Variants in CUBN observed in about 807,000 individuals in gnomAD.
CUBN encodes cubilin, also known as 460 kDa receptor.
In CUBN, 282 loss-of-function variants were observed where a neutral mutation model predicts 405.3. That is an observed-to-expected ratio of 0.70 (90% CI 0.63 to 0.77). The LOEUF (loss-of-function observed/expected upper bound fraction) is 0.77. Among genes scored for constraint, CUBN ranks in the 30% least tolerant of loss-of-function variants. The pLI is 0.00. For synonymous variants in CUBN, 1,684 were observed against 1,617.0 expected, an observed-to-expected ratio of 1.04 and a Z score of -0.99; for missense variants, 4,514 against 4,475.2, an observed-to-expected ratio of 1.01 and a Z score of -0.25.
At position 16,823,979 on chromosome 10, in the gene CUBN, A is replaced by C. The variant is rs1838700482; in HGVS notation, c.*996T>G. On this transcript the variant is annotated 3_prime_UTR_variant, in exon 67 of 67. Transcript: ENST00000377833. ...AATGCAGCATAATTGTGTACAATTCAATAATGTTTATTATGTGTAATTGAA... is the reference window on the plus strand; with the variant it reads ...AATGCAGCATAATTGTGTACAATTCCATAATGTTTATTATGTGTAATTGAA... 2 of 152,262 alleles carry C rather than the reference A, an allele frequency of 1.3e-5. No individual in the cohort carries two copies. Among genetic ancestry groups the C allele is most frequent in the African/African-American group, 4.8e-5 (2 of 41,474 alleles). 9.4% of individuals were successfully genotyped at this position (152,262 alleles called of 1,614,324 possible).
At chr10:16,961,748 G>C (rs922609586) in intron 31 of CUBN, among the ~76,000 whole-genome samples, 5 of 125,882 alleles carry the variant, frequency 4.0e-5, no homozygotes, top group Non-Finnish European at 6.3e-5. Context: ...GTCTCGCTCT[G>C]TGGCCCAGGC....
At chr10:16,946,111 G>A (rs2131617223) in intron 36 of CUBN, among the ~76,000 whole-genome samples, 1 of 152,282 alleles carries the variant, frequency 6.6e-6, no homozygotes, top group South Asian at 2.1e-4. Flanking sequence ...AACAGAATTA[G>A]CAATCCCAAC....
chr10:16,980,680 G>A lies in CUBN; in HGVS notation c.4695+1804C>T, dbSNP rs183830377. Among the ~76,000 whole-genome samples, 67 of 152,118 alleles carry A rather than the reference G, an allele frequency of 4.4e-4. 1 individual carries two copies. The South Asian group carries it at 0.012, about 28-fold the overall frequency. On this transcript the variant is annotated intron_variant, in intron 31 of 66. Transcript: ENST00000377833. ...CACAGGGAGGGGAACATCACACACC[G>A]GTGCCTGTCGAGGGGTGGGGGGCTA...
chr10:17,045,155 G>A lies in CUBN; in HGVS notation c.3524C>T (p.Thr1175Met), dbSNP rs745729648. 19 of 1,613,672 alleles carry A rather than the reference G, an allele frequency of 1.2e-5. No individual in the cohort carries two copies. Among genetic ancestry groups the A allele is most frequent in the South Asian group, 2.2e-5 (2 of 91,076 alleles). Residue 1175 changes from threonine (T) to methionine (M), a missense_variant, in exon 25 of 67, where the codon ACG becomes ATG. Coordinates refer to ENST00000377833, the MANE Select transcript of CUBN (RefSeq NM_001081.4). ...CGGNLTTSSG[T>M]FISPNYPMPY... ...CATCGGGTAGTTGGGAGATATGAAC[G>A]TGCCGCTTGAAGTGGTGAGATTACC...
At chr10:17,010,751 C>T (rs776556951) in intron 28 of CUBN, among the ~76,000 whole-genome samples, 11 of 152,178 alleles carry the variant, frequency 7.2e-5, no homozygotes, top group Non-Finnish European at 1.2e-4. Flanking sequence ...TCCTAATGTA[C>T]GTTTCAAGCT....
At chr10:17,094,967 T>C (rs1326493679) in intron 14 of CUBN, among the ~76,000 whole-genome samples, 1 of 151,962 alleles carries the variant, frequency 6.6e-6, no homozygotes, top group Middle Eastern at 3.2e-3. Context: ...GATTTAAAAA[T>C]ACATTTAAAA....
At chr10:17,038,347 C>T (rs940985449) in intron 27 of CUBN, among the ~76,000 whole-genome samples, 2 of 152,190 alleles carry the variant, frequency 1.3e-5, no homozygotes, top group Non-Finnish European at 2.9e-5. Flanking sequence ...GGTTGATTCC[C>T]CATGTTTGCA....
intron 22 of CUBN, among the ~76,000 whole-genome samples, chr10:17,052,783 A>C (rs1835301218): frequency 6.9e-6 from 1 of 143,960 alleles, no homozygotes; most frequent in African/African-American, 2.6e-5. Flanking sequence ...AAAAAAAAAA[A>C]AAAAGAGAGA....
At chr10:17,118,308 G>T (rs1836951630) in intron 6 of CUBN, among the ~76,000 whole-genome samples, 1 of 152,108 alleles carries the variant, frequency 6.6e-6, no homozygotes, top group African/African-American at 2.4e-5. Flanking sequence ...ACCACAAAAT[G>T]AATAATTGGC....
At chr10:16,977,846 C>A (rs2932904) in intron 31 of CUBN, among the ~76,000 whole-genome samples, 112,312 of 152,122 alleles carry the variant, frequency 0.74, 44,069 homozygotes, top group Non-Finnish European at 0.89. Flanking sequence ...GGGTTTGAAC[C>A]TGCAGCACTT....
chr10:16,967,872 GGA>G (rs1843442066), intron 31 of CUBN, among the ~76,000 whole-genome samples: 1 of 144,670 alleles, frequency 6.9e-6, no homozygotes, highest in East Asian at 2.0e-4. Context: ...GGAGAGACAG[GGA>G]GAGAGAGAGA....
chr10:16,856,579 G>A (rs1839875336), intron 59 of CUBN, among the ~76,000 whole-genome samples: 2 of 152,152 alleles, frequency 1.3e-5, no homozygotes, highest in Non-Finnish European at 2.9e-5. Flanking sequence ...CATTCTCTTG[G>A]ATAAAACATC....
chr10:16,867,641 A>G (rs1840225400), intron 59 of CUBN, among the ~76,000 whole-genome samples: 3 of 152,220 alleles, frequency 2.0e-5, no homozygotes, highest in African/African-American at 7.2e-5. Flanking sequence ...GGGGTAACAC[A>G]ATGCTGGCAA....
At position 17,055,867 on chromosome 10, in the gene CUBN, C is replaced by A. The variant is rs1484809673; in HGVS notation, c.3140-8264G>T. 2.0e-5 allele frequency among the ~76,000 whole-genome samples: 3 copies of A among 151,978 alleles called. 1 individual carries two copies. The highest frequency in any genetic ancestry group is 4.4e-5 in the Non-Finnish European group (3 of 67,988). Reference sequence around the variant, plus strand: ...CCCAAATTGGTCTGTAAATTCAATGCAATCTCAATCAAATTCTCAAGTTTT... The same window carrying A: ...CCCAAATTGGTCTGTAAATTCAATGAAATCTCAATCAAATTCTCAAGTTTT... On this transcript the variant is annotated intron_variant, in intron 22 of 66. Coordinates refer to ENST00000377833, the MANE Select transcript of CUBN (RefSeq NM_001081.4).
At chr10:17,113,799 T>C (rs1318276470) in intron 8 of CUBN, among the ~76,000 whole-genome samples, 3 of 152,200 alleles carry the variant, frequency 2.0e-5, no homozygotes, top group African/African-American at 4.8e-5. Context: ...ACAAATTCTA[T>C]GGCTAACCTT....
At chr10:17,112,874 A>G (rs1469274880) in intron 8 of CUBN, among the ~76,000 whole-genome samples, 1 of 152,232 alleles carries the variant, frequency 6.6e-6, no homozygotes, top group Non-Finnish European at 1.5e-5. Flanking sequence ...CTCATATTGT[A>G]AAATGTGAGT....
intron 59 of CUBN, among the ~76,000 whole-genome samples, chr10:16,864,862 C>G (rs1038773743): frequency 6.7e-6 from 1 of 148,540 alleles, no homozygotes; most frequent in African/African-American, 2.5e-5. Flanking sequence ...GTTGGTCAAG[C>G]TGGCCTCGAA....
At chr10:17,034,909 A>G (rs1327215241) in intron 27 of CUBN, among the ~76,000 whole-genome samples, 2 of 152,134 alleles carry the variant, frequency 1.3e-5, no homozygotes, top group Non-Finnish European at 2.9e-5. Flanking sequence ...AGAGAAGTGC[A>G]ACTCTGGACT....
chr10:17,028,007 T>A (rs1382055140), intron 27 of CUBN, among the ~76,000 whole-genome samples: 4 of 152,084 alleles, frequency 2.6e-5, no homozygotes, highest in Non-Finnish European at 4.4e-5. Flanking sequence ...TTAAAAATTT[T>A]AAAAATAATA....
Sources: allele counts gnomAD v4.1 joint callset (sites outside exome capture counted in the v4.1 genomes callset), GRCh38; gene constraint gnomAD v4.1.1; transcripts MANE v1.5; gene names NCBI Gene and HGNC (gene_info 2026-07-23, HGNC 2026-07-21).